PLCL2: variants seen among roughly 807,000 people sequenced by gnomAD.
PLCL2 encodes inactive phospholipase C-like protein 2.
Under a neutral mutation model 79.6 loss-of-function variants are expected in PLCL2, and 4 were observed. That is an observed-to-expected ratio of 0.05 (90% CI 0.02 to 0.11). PLCL2 has a LOEUF of 0.11. Among genes scored for constraint, PLCL2 ranks in the 10% least tolerant of loss-of-function variants. PLCL2 has a pLI of 1.00. For missense variants in PLCL2, 895 were observed against 1,291.0 expected, an observed-to-expected ratio of 0.69 and a Z score of 4.70; for synonymous variants, 484 against 457.7, an observed-to-expected ratio of 1.06 and a Z score of -0.73.
chr3:16,985,180 G>A (rs758692777), intron 1 of PLCL2, among the ~76,000 whole-genome samples: 1 of 152,068 alleles, frequency 6.6e-6, no homozygotes, highest in Non-Finnish European at 1.5e-5. Context: ...GCCCTGGGAA[G>A]CATTCTCTGA....
chr3:17,012,305 T>C, intron 2 of PLCL2, 145 bp downstream of exon 2: 1 of 701,090 alleles, frequency 1.4e-6, no homozygotes, highest in Non-Finnish European at 2.2e-6. Context: ...GCCACTAGTC[T>C]GTTTTTTATC....
In PLCL2 at chr3:16,885,286, C is replaced by G; in HGVS notation, c.247C>G (p.Pro83Ala). The change falls in exon 1 of 6, where the codon CCG becomes GCG. Residue 83 changes from proline (P) to alanine (A), a missense_variant. Pro to Ala is a conservative substitution (Grantham distance 27). This residue lies in a region of PLCL2 where 110 missense variants were observed against 42.9 expected (regional missense o/e 2.56). Transcript: ENST00000615277. ...TRGPRGVALA[P>A]TPSAVVCTLP... ...GGGACCCCGCGGCGTTGCGCTCGCC[C>G]CGACCCCCAGCGCGGTCGTCTGTAC... 2 of 661,214 alleles carry G rather than the reference C, an allele frequency of 3.0e-6. No individual in the cohort carries two copies. The highest frequency in any genetic ancestry group is 4.5e-5 in the Admixed American group (2 of 44,104). The allele number at this position is 661,214 out of a possible 1,614,324, so 41.0% of individuals were successfully genotyped here.
intron 1 of PLCL2, among the ~76,000 whole-genome samples, chr3:16,965,094 C>A (rs76706550): frequency 0.27 from 39,963 of 150,760 alleles, 5,744 homozygotes; most frequent in East Asian, 0.55. Flanking sequence ...AAGTCCTTGC[C>A]CATGCCTATG....
Position 16,886,435 on chromosome 3 carries a change from G to A in PLCL2, c.327+1069G>A, listed in dbSNP as rs1235724262. Among the ~76,000 whole-genome samples the A allele has an allele frequency of 1.3e-5, 2 of 152,212 alleles. No individual in the cohort carries two copies. The highest frequency in any genetic ancestry group is 4.8e-5 in the African/African-American group (2 of 41,442). ...ACAGTAAAGAGAGTTGGCAGTGGTGGTATCTGAAATTTTATTGGACCTACA... is the reference window on the plus strand; with the variant it reads ...ACAGTAAAGAGAGTTGGCAGTGGTGATATCTGAAATTTTATTGGACCTACA... On this transcript the variant is annotated intron_variant, in intron 1 of 5. Transcript: ENST00000615277. The surrounding 1 kb of genome is among the most constrained non-coding windows in gnomAD (Gnocchi z 4.2).
At chr3:16,965,031 C>G (rs899703398) in intron 1 of PLCL2, among the ~76,000 whole-genome samples, 14 of 151,616 alleles carry the variant, frequency 9.2e-5, no homozygotes, top group Non-Finnish European at 1.6e-4. Context: ...TTAATTAGAT[C>G]CCATTGGTCA....
At chr3:16,947,031 C>CT (rs1306090803) in intron 1 of PLCL2, among the ~76,000 whole-genome samples, 3 of 135,538 alleles carry the variant, frequency 2.2e-5, no homozygotes, top group South Asian at 4.8e-4. Flanking sequence ...TCATGGCTCA[C>CT]TGCAGCCTCG....
rs114667233 is a variant in PLCL2, at chr3:17,059,980, G to A, written c.3095-7976G>A. ...AGGAAAGTATCGATGTGAAAGTGGC[G>A]ATCCAAACAAAAATGTTCTGGGTCT... On this transcript the variant is annotated intron_variant, in intron 4 of 5. Coordinates refer to ENST00000615277, the MANE Select transcript of PLCL2 (RefSeq NM_001144382.2). Among the ~76,000 whole-genome samples, 541 of 152,112 alleles carry A rather than the reference G, an allele frequency of 3.6e-3. 4 individuals carry two copies. The highest frequency in any genetic ancestry group is 0.011 in the African/African-American group (442 of 41,490).
chr3:16,987,648 A>G (rs994949400), intron 1 of PLCL2, among the ~76,000 whole-genome samples: 2 of 152,292 alleles, frequency 1.3e-5, no homozygotes, highest in Middle Eastern at 3.4e-3. Flanking sequence ...TATGCCAGTA[A>G]GTTTTCTAAT....
chr3:17,023,607 T>C (rs969345553), intron 3 of PLCL2, among the ~76,000 whole-genome samples: 6 of 152,322 alleles, frequency 3.9e-5, no homozygotes, highest in Middle Eastern at 3.4e-3. Flanking sequence ...TCCCCAGCCA[T>C]GTGGAACTGT....
intron 1 of PLCL2, among the ~76,000 whole-genome samples, chr3:16,965,036 T>A (rs1270551468): frequency 6.6e-6 from 1 of 151,804 alleles, no homozygotes; most frequent in African/African-American, 2.4e-5. Context: ...TAGATCCCAT[T>A]GGTCAATTTT....
intron 4 of PLCL2, 87 bp from the exon 5 acceptor site, chr3:17,067,869 A>G (rs2065025328): frequency 1.5e-6 from 1 of 679,754 alleles, no homozygotes; most frequent in East Asian, 2.8e-5. Flanking sequence ...GAATCATTTT[A>G]GCTGTACCTA....
intron 1 of PLCL2, among the ~76,000 whole-genome samples, chr3:16,918,498 G>C (rs770665533): frequency 2.4e-4 from 36 of 152,096 alleles, no homozygotes; most frequent in Non-Finnish European, 4.9e-4. Context: ...TAGGAAAATA[G>C]TCTCTTTATG....
chr3:17,057,546 C>T (rs1284790589), intron 4 of PLCL2, among the ~76,000 whole-genome samples: 1 of 152,142 alleles, frequency 6.6e-6, no homozygotes, highest in Non-Finnish European at 1.5e-5. Context: ...GTAGGATGCT[C>T]AAATGGAAAT....
rs2064241412 is a variant in PLCL2 at position 17,004,451 on chromosome 3, T to C, written c.328-5223T>C. Among the ~76,000 whole-genome samples, 5 of 152,284 alleles carry C rather than the reference T, an allele frequency of 3.3e-5. No homozygotes were observed. The South Asian group carries it at 1.0e-3, about 32-fold the overall frequency. The stretch of plus-strand genomic sequence containing the variant: ...CATCCACAGGCCAAGGAGTTTCTGT[T>C]ACTTGCAATAAAGGGCCTTTCCACA... On this transcript the variant is annotated intron_variant, in intron 1 of 5. Transcript: ENST00000615277.
intron 1 of PLCL2, among the ~76,000 whole-genome samples, chr3:16,980,397 G>T (rs2063976639): frequency 6.7e-6 from 1 of 148,904 alleles, no homozygotes; most frequent in East Asian, 2.1e-4. Context: ...CTGCCGGCCG[G>T]AGGGGCTCCT....
intron 4 of PLCL2, among the ~76,000 whole-genome samples, chr3:17,052,885 T>C (rs1261078426): frequency 6.6e-6 from 1 of 152,242 alleles, no homozygotes; most frequent in Non-Finnish European, 1.5e-5. Context: ...ACATATCATA[T>C]ACAAAATATG....
intron 1 of PLCL2, among the ~76,000 whole-genome samples, chr3:16,931,801 G>T (rs1299435976): frequency 6.6e-6 from 1 of 152,120 alleles, no homozygotes; most frequent in Non-Finnish European, 1.5e-5. Flanking sequence ...TCTTGTATAG[G>T]TAAGACACTA....
At chr3:16,897,978 T>C (rs946816326) in intron 1 of PLCL2, among the ~76,000 whole-genome samples, 1 of 149,072 alleles carries the variant, frequency 6.7e-6, no homozygotes, top group Non-Finnish European at 1.5e-5. Flanking sequence ...TCCCATTTAT[T>C]TTTTTAGGTC....
At chr3:17,053,143 A>C (rs2064859286) in intron 4 of PLCL2, among the ~76,000 whole-genome samples, 1 of 152,214 alleles carries the variant, frequency 6.6e-6, no homozygotes, top group African/African-American at 2.4e-5. Flanking sequence ...AGACTGGGTA[A>C]TTTAGAAAGA....
Sources: gnomAD v4.1 joint callset for allele counts (sites outside exome capture counted in the v4.1 genomes callset) on GRCh38, gnomAD v4.1.1 for gene constraint, gnomAD v4.1.1 regional missense constraint, Gnocchi (gnomAD v3.1) non-coding constraint, MANE v1.5 for transcripts, NCBI Gene and HGNC (gene_info 2026-07-23, HGNC 2026-07-21) for gene names.